AP3S2: variants seen among roughly 807,000 people sequenced by gnomAD.
AP3S2 encodes adaptor related protein complex 3 subunit sigma 2, also known as AP-3 complex subunit sigma-2.
A neutral mutation model predicts 23.4 loss-of-function variants in AP3S2; 22 were observed. That is an observed-to-expected ratio of 0.94 (90% CI 0.67 to 1.34). AP3S2 has a LOEUF of 1.34. Ranked by LOEUF, AP3S2 falls within the 40% of genes most tolerant of loss-of-function variation. The pLI is 0.00. For synonymous variants in AP3S2, 86 were observed against 87.1 expected (o/e 0.99, Z 0.07); for missense variants, 241 against 236.9 (o/e 1.02, Z -0.11).
At chr15:89,837,174 G>A (rs189096604) in intron 5 of AP3S2, among the ~76,000 whole-genome samples, 1 of 152,268 alleles carries the variant, frequency 6.6e-6, no homozygotes, top group Admixed American at 6.5e-5. Context: ...AAGGAAATTG[G>A]CAACTCTGAG....
chr15:89,887,187 T>G (rs2141901116), intron 3 of AP3S2, among the ~76,000 whole-genome samples: 1 of 152,340 alleles, frequency 6.6e-6, no homozygotes, highest in Non-Finnish European at 1.5e-5. Context: ...TGCATCTGTT[T>G]TAGATGGGTT....
chr15:89,871,094 C>A (rs937215722), intron 4 of AP3S2, among the ~76,000 whole-genome samples: 1 of 152,152 alleles, frequency 6.6e-6, no homozygotes, highest in Non-Finnish European at 1.5e-5. Context: ...AAAGCCCCTG[C>A]GTCATGATTA....
intron 4 of AP3S2, among the ~76,000 whole-genome samples, chr15:89,849,613 C>T (rs1008989815): frequency 6.6e-6 from 1 of 152,038 alleles, no homozygotes; most frequent in African/African-American, 2.4e-5. Flanking sequence ...GTGATCTGCC[C>T]ACCTTGGCCT....
At chr15:89,857,839 C>A (rs936064103) in intron 4 of AP3S2, among the ~76,000 whole-genome samples, 2 of 152,170 alleles carry the variant, frequency 1.3e-5, no homozygotes, top group East Asian at 3.8e-4. Flanking sequence ...AGGATCATTT[C>A]CCCATCCCTT....
chr15:89,891,096 CTG>C (rs1487945291), intron 1 of AP3S2, among the ~76,000 whole-genome samples: 2 of 152,130 alleles, frequency 1.3e-5, no homozygotes, highest in African/African-American at 2.4e-5. Flanking sequence ...TTATCTGACT[CTG>C]GGGGAAGTGG....
At chr15:89,863,495 C>G (rs16943667) in intron 4 of AP3S2, among the ~76,000 whole-genome samples, 259 of 151,804 alleles carry the variant, frequency 1.7e-3, no homozygotes, top group African/African-American at 5.9e-3. Flanking sequence ...TAACTTGGCT[C>G]TAGAAATGGA....
At chr15:89,860,239 A>C (rs1307094602) in intron 4 of AP3S2, among the ~76,000 whole-genome samples, 1 of 152,210 alleles carries the variant, frequency 6.6e-6, no homozygotes, top group African/African-American at 2.4e-5. Context: ...CTATACACAC[A>C]TACCTAGGAT....
At chr15:89,858,511 GAGAGAGAGAGAGAGAAAGAA>G (rs1395075795) in intron 4 of AP3S2, among the ~76,000 whole-genome samples, 3 of 55,558 alleles carry the variant, frequency 5.4e-5, no homozygotes, top group African/African-American at 1.6e-4. Flanking sequence ...GAGAGAGAGA[GAGAGAGAGAGAGAGAAAGAA>G]AGAAAGAAAG....
chr15:89,887,595 C>T (rs919298147), intron 3 of AP3S2, among the ~76,000 whole-genome samples: 1 of 152,084 alleles, frequency 6.6e-6, no homozygotes, highest in African/African-American at 2.4e-5. Flanking sequence ...TGGTCTTGAA[C>T]TCTTGATCCA....
At position 89,831,836 on chromosome 15, in the gene AP3S2, G is replaced by A. The variant is rs1165916316; in HGVS notation, c.*3679C>T. On this transcript the variant is annotated 3_prime_UTR_variant, in exon 6 of 6. Coordinates refer to ENST00000336418, the MANE Select transcript of AP3S2 (RefSeq NM_005829.5). ...GGCCAGGCCTAGAGGAAGGTGGGCT[G>A]TTTGGGGTATGGCCCAGCAGGGCAC... 6.6e-6 allele frequency: 1 copy of A among 152,340 alleles called. No homozygotes were observed. The highest frequency in any genetic ancestry group is 1.5e-5 in the Non-Finnish European group (1 of 68,096). The allele number at this position is 152,340 out of a possible 1,614,324, so 9.4% of individuals were successfully genotyped here. A position where few individuals can be genotyped will look rare whatever the true frequency, so the allele number is the denominator to read the frequency against.
chr15:89,879,107 G>A (rs181269339), intron 3 of AP3S2, among the ~76,000 whole-genome samples: 1 of 152,348 alleles, frequency 6.6e-6, no homozygotes, highest in East Asian at 1.9e-4. Flanking sequence ...TCAAACTCCA[G>A]GGCTTAAGCG....
intron 4 of AP3S2, among the ~76,000 whole-genome samples, chr15:89,867,968 G>T (rs1307562152): frequency 2.0e-5 from 3 of 147,764 alleles, no homozygotes; most frequent in African/African-American, 7.5e-5. Flanking sequence ...CCGGCCAGCC[G>T]TGCCATCCGG....
rs150047527 is a variant in AP3S2 at position 89,891,395 on chromosome 15, A to G, written c.70-2255T>C. Among the ~76,000 whole-genome samples the G allele has an allele frequency of 6.1e-4, 93 of 152,334 alleles. 1 individual carries two copies. The East Asian group carries it at 0.014, about 23-fold the overall frequency. ...CACAATGAGCTGGGTGCGGTGGCTC[A>G]CGCCTGTAATCCCTGCACTTTGGGA... On this transcript the variant is annotated intron_variant, in intron 1 of 5. Transcript: ENST00000336418.
chr15:89,848,890 T>C (rs1209841881), intron 4 of AP3S2: 1 of 152,104 alleles, frequency 6.6e-6, no homozygotes, highest in Non-Finnish European at 1.5e-5. Flanking sequence ...TAGAAAGAAA[T>C]GAAAAGAGGA....
chr15:89,883,401 C>CT lies in AP3S2; in HGVS notation c.273+5119dup, dbSNP rs545156078. ...TTAGAGTAAACAATAAAAGATACTC[C>CT]TTTTTTTTTTTTGAGACAGAATCTC... On this transcript the variant is annotated intron_variant, in intron 3 of 5. Coordinates refer to ENST00000336418, the MANE Select transcript of AP3S2 (RefSeq NM_005829.5). Among the ~76,000 whole-genome samples, 310 of 145,684 alleles carry CT rather than the reference C, an allele frequency of 2.1e-3. 2 individuals are homozygous for CT. Among genetic ancestry groups the CT allele is most frequent in the Middle Eastern group, 0.014 (4 of 278 alleles).
At chr15:89,870,564 G>A (rs1896295566) in intron 4 of AP3S2, among the ~76,000 whole-genome samples, 1 of 152,134 alleles carries the variant, frequency 6.6e-6, no homozygotes, top group African/African-American at 2.4e-5. Context: ...CCTCAACAGA[G>A]TCAACTAAGA....
chr15:89,837,980 T>C, intron 4 of AP3S2: 1 of 397,512 alleles, frequency 2.5e-6, no homozygotes, highest in East Asian at 5.2e-5. Context: ...AGCTCTTGTT[T>C]AAATTCTGGC....
At chr15:89,857,918 C>T (rs1895878816) in intron 4 of AP3S2, among the ~76,000 whole-genome samples, 1 of 152,068 alleles carries the variant, frequency 6.6e-6, no homozygotes, top group African/African-American at 2.4e-5. Flanking sequence ...CTTCAAGAGC[C>T]GGAACACACA....
In AP3S2 at chr15:89,832,517, C is replaced by T. The variant is rs1895101394; in HGVS notation, c.*2998G>A. On this transcript the variant is annotated 3_prime_UTR_variant, in exon 6 of 6. Coordinates refer to ENST00000336418, the MANE Select transcript of AP3S2 (RefSeq NM_005829.5). The stretch of plus-strand genomic sequence containing the variant: ...TTTTTTTTTTTTTTTGAGACGGAGT[C>T]TTGCTGTGTTGCCCAGGCTGGAGTG... The T allele has an allele frequency of 8.2e-6, 1 of 121,716 alleles. No homozygotes were observed. Among genetic ancestry groups the T allele is most frequent in the South Asian group, 2.7e-4 (1 of 3,754 alleles). The allele number at this position is 121,716 out of a possible 1,614,324, so 7.5% of individuals were successfully genotyped here. A position where few individuals can be genotyped will look rare whatever the true frequency, so the allele number is the denominator to read the frequency against.
Sources: allele counts gnomAD v4.1 joint callset (sites outside exome capture counted in the v4.1 genomes callset), GRCh38; gene constraint gnomAD v4.1.1; transcripts MANE v1.5; gene names NCBI Gene and HGNC (gene_info 2026-07-23, HGNC 2026-07-21).